Variants in TFEC observed in about 807,000 individuals in gnomAD.
TFEC encodes transcription factor EC.
Under a neutral mutation model 41.6 loss-of-function variants are expected in TFEC, and 31 were observed. The observed-to-expected ratio is 0.74, with a 90% CI of 0.56 to 1.01. The LOEUF (loss-of-function observed/expected upper bound fraction) is 1.01. Ranked by LOEUF, TFEC falls within the 50% of genes least tolerant of loss-of-function variation. TFEC has a pLI of 0.00. For synonymous variants in TFEC, 143 were observed against 140.6 expected, an observed-to-expected ratio of 1.02 and a Z score of -0.12; for missense variants, 402 against 404.1, an observed-to-expected ratio of 0.99 and a Z score of 0.04.
intron 3 of TFEC, among the ~76,000 whole-genome samples, chr7:116,104,770 A>G (rs1225508109): frequency 1.3e-5 from 2 of 152,042 alleles, no homozygotes; most frequent in African/African-American, 4.8e-5. Flanking sequence ...AAAAAAAGCT[A>G]AAGTTTTAAG....
At chr7:115,991,142 G>A (rs951180045) in intron 1 of TFEC, among the ~76,000 whole-genome samples, 1 of 151,562 alleles carries the variant, frequency 6.6e-6, no homozygotes, top group Non-Finnish European at 1.5e-5. Flanking sequence ...GCTTCATAAA[G>A]GAGAAATAAA....
intron 1 of TFEC, among the ~76,000 whole-genome samples, chr7:116,147,938 C>A (rs1373184482): frequency 6.6e-6 from 1 of 151,772 alleles, no homozygotes; most frequent in Admixed American, 6.6e-5. Context: ...GGGGGAAGAG[C>A]CAATAAATAA....
intron 1 of TFEC, among the ~76,000 whole-genome samples, chr7:116,159,378 TATA>T (rs1352465151): frequency 2.6e-5 from 4 of 151,970 alleles, no homozygotes; most frequent in East Asian, 1.9e-4. Context: ...CTACATTATA[TATA>T]ATAATTATAT....
At chr7:116,136,059 T>C (rs1798426832) in intron 1 of TFEC, among the ~76,000 whole-genome samples, 1 of 152,116 alleles carries the variant, frequency 6.6e-6, no homozygotes, top group Non-Finnish European at 1.5e-5. Context: ...ACACTTTCTT[T>C]GGTTCAATTA....
chr7:116,106,144 A>G (rs1420463276), intron 3 of TFEC, among the ~76,000 whole-genome samples: 2 of 152,136 alleles, frequency 1.3e-5, no homozygotes, highest in Admixed American at 6.5e-5. Flanking sequence ...ACAGTTTCCT[A>G]TTGATTAAAG....
chr7:116,008,161 A>G (rs1794870710), intron 1 of TFEC, among the ~76,000 whole-genome samples: 1 of 152,192 alleles, frequency 6.6e-6, no homozygotes, highest in Admixed American at 6.5e-5. Context: ...TCAGACAGGC[A>G]ATTATCTCAA....
intron 3 of TFEC, among the ~76,000 whole-genome samples, chr7:116,094,275 T>C (rs1420770738): frequency 6.6e-6 from 1 of 152,244 alleles, no homozygotes; most frequent in African/African-American, 2.4e-5. Flanking sequence ...GACCAACAGC[T>C]GTTAATGTGA....
intron 3 of TFEC, among the ~76,000 whole-genome samples, chr7:115,961,492 T>C (rs1330179680): frequency 5.9e-5 from 9 of 151,490 alleles, no homozygotes; most frequent in Non-Finnish European, 1.5e-5. Context: ...ACCATCATTC[T>C]TTTAAAAAAA....
At chr7:116,080,516 C>T (rs1468679015) in intron 3 of TFEC, among the ~76,000 whole-genome samples, 5 of 151,830 alleles carry the variant, frequency 3.3e-5, no homozygotes, top group African/African-American at 1.2e-4. Context: ...ACATTCCCAT[C>T]AAAAAGTGGG....
intron 7 of TFEC, chr7:115,941,231 A>G (rs1793480281): frequency 4.3e-6 from 1 of 232,898 alleles, no homozygotes; most frequent in South Asian, 1.5e-4. Context: ...GATAGCAGAA[A>G]GTCATCTATT....
At chr7:116,063,345 G>C (rs576728478) in intron 3 of TFEC, among the ~76,000 whole-genome samples, 1 of 152,126 alleles carries the variant, frequency 6.6e-6, no homozygotes, top group Non-Finnish European at 1.5e-5. Context: ...GGCTGGGCGC[G>C]GTGGCTCACG....
chr7:116,123,843 T>C (rs1269198924), intron 1 of TFEC, among the ~76,000 whole-genome samples: 1 of 152,206 alleles, frequency 6.6e-6, no homozygotes, highest in Admixed American at 6.5e-5. Context: ...CTAATTGTTT[T>C]ATAAGTATTA....
intron 4 of TFEC, 59 bp from the exon 5 acceptor site, chr7:115,954,701 C>T (rs1792129822): frequency 1.5e-6 from 2 of 1,308,542 alleles, no homozygotes; most frequent in African/African-American, 1.5e-5. Flanking sequence ...CCCCTCCAGG[C>T]AACATAATTC....
At chr7:116,044,596 G>C (rs1320189674) in intron 3 of TFEC, among the ~76,000 whole-genome samples, 1 of 152,126 alleles carries the variant, frequency 6.6e-6, no homozygotes, top group Non-Finnish European at 1.5e-5. Flanking sequence ...TTTCTTTTCA[G>C]TTTTTTGACA....
intron 3 of TFEC, among the ~76,000 whole-genome samples, chr7:115,964,245 A>G (rs576687520): frequency 1.3e-5 from 2 of 151,780 alleles, no homozygotes; most frequent in African/African-American, 4.8e-5. Flanking sequence ...CTGAAGAATC[A>G]AAAGGTACTT....
chr7:116,111,864 A>T, intron 2 of TFEC: 1 of 290,934 alleles, frequency 3.4e-6, no homozygotes, highest in Non-Finnish European at 5.1e-6. Context: ...TAACTCTGTT[A>T]GATAAACTCT....
At chr7:115,980,044 T>C (rs1229620261) in intron 2 of TFEC, among the ~76,000 whole-genome samples, 1 of 152,180 alleles carries the variant, frequency 6.6e-6, no homozygotes. Context: ...AGCAGATCCA[T>C]TGAGAGTTGT....
At chr7:116,117,151 G>C (rs556516440) in intron 1 of TFEC, among the ~76,000 whole-genome samples, 2 of 151,882 alleles carry the variant, frequency 1.3e-5, no homozygotes, top group South Asian at 4.2e-4. Context: ...TTTGTCCTGG[G>C]AACTATTAAG....
intron 1 of TFEC, among the ~76,000 whole-genome samples, chr7:116,007,347 T>G (rs1794837157): frequency 6.6e-6 from 1 of 152,160 alleles, no homozygotes; most frequent in South Asian, 2.1e-4. Context: ...AGGGTTCAAC[T>G]CTACAAATCA....
Sources: allele counts gnomAD v4.1 joint callset (sites outside exome capture counted in the v4.1 genomes callset), GRCh38; gene constraint gnomAD v4.1.1; transcripts MANE v1.5; gene names NCBI Gene and HGNC (gene_info 2026-07-23, HGNC 2026-07-21).